Variants in EIF4E observed in about 807,000 individuals in gnomAD.
EIF4E encodes the protein eIF-4F 25 kDa subunit.
For synonymous variants in EIF4E, 71 were observed against 88.5 expected, an observed-to-expected ratio of 0.80 and a Z score of 1.11; for missense variants, 113 against 265.6, an observed-to-expected ratio of 0.43 and a Z score of 3.99.
intron 3 of EIF4E, among the ~76,000 whole-genome samples, chr4:98,888,883 G>C (rs1014318012): frequency 1.3e-5 from 2 of 152,084 alleles, no homozygotes; most frequent in African/African-American, 4.8e-5. Flanking sequence ...TTTAAGGGCC[G>C]GGTGCAGTGG....
At chr4:98,901,125 T>C (rs1400675276) in intron 2 of EIF4E, among the ~76,000 whole-genome samples, 1 of 152,230 alleles carries the variant, frequency 6.6e-6, no homozygotes, top group African/African-American at 2.4e-5. Context: ...TCATTTGACC[T>C]TTTTAGCACA....
intron 1 of EIF4E, among the ~76,000 whole-genome samples, chr4:98,905,769 T>C (rs919034681): frequency 2.0e-5 from 3 of 152,128 alleles, no homozygotes; most frequent in Admixed American, 1.3e-4. Flanking sequence ...TAAACTGTCA[T>C]AGCAACAAGA....
At chr4:98,895,210 G>A (rs1314973661) in intron 2 of EIF4E, 12 of 152,194 alleles carry the variant, frequency 7.9e-5, no homozygotes, top group Admixed American at 7.9e-4. Flanking sequence ...CACCAAGTGA[G>A]CACATGCCAT....
chr4:98,894,466 A>G lies in EIF4E; in HGVS notation c.126-3134T>C, dbSNP rs528626295. ...ATCTGGAGATTTTGCTGCAATTTCTATATCAGCCCTTGCTGCTTCACCTTG... is the reference window on the plus strand; with the variant it reads ...ATCTGGAGATTTTGCTGCAATTTCTGTATCAGCCCTTGCTGCTTCACCTTG... On this transcript the variant is annotated intron_variant, in intron 2 of 6. Transcript: ENST00000450253. 6.8e-4 allele frequency among the ~76,000 whole-genome samples: 103 copies of G among 152,310 alleles called. 1 individual carries two copies. Among genetic ancestry groups the G allele is most frequent in the African/African-American group, 2.1e-3 (89 of 41,568 alleles).
Position 98,901,929 on chromosome 4 carries a change from A to G in EIF4E, c.72T>C (p.Ser24=), listed in dbSNP as rs559148220. Residue 24 remains serine (S), a synonymous_variant, in exon 2 of 7, where the codon TCT becomes TCC. Transcript: ENST00000450253. The part of the protein sequence containing the change: ...PPTTEEEKTE[S]NQEVANPEHY... ...GTTCTGGGTTAGCAACCTCCTGATT[A>G]GATTCCGTTTTCTCCTCTTCTGTAG... The G allele has an allele frequency of 6.2e-7, 1 of 1,613,032 alleles. No individual in the cohort carries two copies. Among genetic ancestry groups the G allele is most frequent in the African/African-American group, 1.3e-5 (1 of 75,028 alleles).
At chr4:98,893,055 G>A (rs1237122232) in intron 2 of EIF4E, among the ~76,000 whole-genome samples, 1 of 152,216 alleles carries the variant, frequency 6.6e-6, no homozygotes, top group East Asian at 1.9e-4. Context: ...TCTTTAAGGA[G>A]AGTCACACAA....
intron 1 of EIF4E, among the ~76,000 whole-genome samples, chr4:98,921,654 C>A (rs1200463566): frequency 6.6e-6 from 1 of 152,168 alleles, no homozygotes; most frequent in Admixed American, 6.5e-5. Context: ...CCAAGAAACA[C>A]GTATGTGTAC....
chr4:98,929,000 G>C (rs1579194449), intron 1 of EIF4E, 95 bp downstream of exon 1: 5 of 1,568,086 alleles, frequency 3.2e-6, no homozygotes, highest in Non-Finnish European at 4.3e-6. Context: ...AAGGGGTACA[G>C]TGCGCGCCGG....
At chr4:98,917,350 T>C (rs1282559368) in intron 1 of EIF4E, among the ~76,000 whole-genome samples, 1 of 152,098 alleles carries the variant, frequency 6.6e-6, no homozygotes, top group African/African-American at 2.4e-5. Context: ...ATTCTTTGCC[T>C]GGCCCACAAA....
chr4:98,900,041 G>A (rs1033020793), intron 2 of EIF4E, among the ~76,000 whole-genome samples: 1 of 147,708 alleles, frequency 6.8e-6, no homozygotes, highest in Admixed American at 6.8e-5. Flanking sequence ...TCCCTTCTTA[G>A]ACTCCATTCA....
rs534415790 is a variant in EIF4E, at chr4:98,901,862, G to A, written c.125+14C>T. On this transcript the variant is annotated intron_variant, in intron 2 of 6. Transcript: ENST00000450253. ...GTGGCCTAACTCAGAAAACCTAGGT[G>A]TTAGAAAGCTTACCTGTTCTGTAGG... 7 of 1,608,852 alleles carry A rather than the reference G, an allele frequency of 4.4e-6. No homozygotes were observed. In the South Asian group the frequency reaches 4.4e-5, roughly 10 times the overall value.
chr4:98,885,188 G>T, intron 5 of EIF4E, 127 bp from the exon 6 acceptor site: 1 of 1,154,038 alleles, frequency 8.7e-7, no homozygotes, highest in Non-Finnish European at 1.2e-6. Flanking sequence ...TTTTAAATGT[G>T]TAAATTTTAT....
intron 2 of EIF4E, among the ~76,000 whole-genome samples, chr4:98,893,018 A>G (rs78585638): frequency 2.8e-3 from 422 of 152,294 alleles, no homozygotes; most frequent in Non-Finnish European, 4.9e-3. Flanking sequence ...TCATCATAAT[A>G]AAGTGAGTAT....
At chr4:98,927,570 C>T (rs1229164849) in intron 1 of EIF4E, among the ~76,000 whole-genome samples, 3 of 137,850 alleles carry the variant, frequency 2.2e-5, no homozygotes, top group Non-Finnish European at 4.5e-5. Flanking sequence ...GCAGGAGAAT[C>T]GCTTGAACCC....
At chr4:98,917,892 A>T (rs1312290421) in intron 1 of EIF4E, among the ~76,000 whole-genome samples, 6 of 152,120 alleles carry the variant, frequency 3.9e-5, no homozygotes, top group African/African-American at 9.7e-5. Context: ...CCTGGCCAAC[A>T]TAATGAAACT....
Position 98,884,639 on chromosome 4 carries a change from G to C in EIF4E, c.539+283C>G, listed in dbSNP as rs545125704. 3.4e-4 allele frequency among the ~76,000 whole-genome samples: 51 copies of C among 152,224 alleles called. No individual in the cohort carries two copies. The East Asian group carries it at 4.4e-3, about 13-fold the overall frequency. On this transcript the variant is annotated intron_variant, in intron 6 of 6. Transcript: ENST00000450253. The stretch of plus-strand genomic sequence containing the variant: ...CAATCTCCTGAACCCGGGAGGCGGA[G>C]GTTGCAGTGAGCCTAGATCATGCCA...
In EIF4E at chr4:98,879,859, C is replaced by G. The variant is rs1388804629; in HGVS notation, c.*1169G>C. 1.3e-5 allele frequency: 2 copies of G among 152,058 alleles called. No individual in the cohort carries two copies. Among genetic ancestry groups the G allele is most frequent in the African/African-American group, 2.4e-5 (1 of 41,408 alleles). The allele number at this position is 152,058 out of a possible 1,614,324, so 9.4% of individuals were successfully genotyped here. ...TATAAAAAAACAAAGATAGCCACAT[C>G]AATTTAATTCCATATATATGATACT... On this transcript the variant is annotated 3_prime_UTR_variant, in exon 7 of 7. Transcript: ENST00000450253.
At chr4:98,927,521 T>C (rs1725925134) in intron 1 of EIF4E, among the ~76,000 whole-genome samples, 1 of 151,270 alleles carries the variant, frequency 6.6e-6, no homozygotes, top group East Asian at 1.9e-4. Flanking sequence ...CCAGGCACGG[T>C]TGTGCGCACC....
chr4:98,886,154 A>C (rs1012928165), intron 5 of EIF4E, among the ~76,000 whole-genome samples: 3 of 152,094 alleles, frequency 2.0e-5, no homozygotes, highest in Admixed American at 2.0e-4. Flanking sequence ...CTCTAAAAAA[A>C]AGCAAAATAG....
Sources: allele counts gnomAD v4.1 joint callset (sites outside exome capture counted in the v4.1 genomes callset), GRCh38; gene constraint gnomAD v4.1.1; transcripts MANE v1.5; gene names NCBI Gene and HGNC (gene_info 2026-07-23, HGNC 2026-07-21).